The following COX7A2L variants were observed in gnomAD, a reference collection of about 807,000 sequenced individuals.
The protein encoded by COX7A2L is cytochrome c oxidase subunit 7A2 like.
A neutral mutation model predicts 14.2 loss-of-function variants in COX7A2L; 18 were observed. The ratio of observed to expected loss-of-function variants is 1.27; its 90% CI spans 0.88 to 1.88. COX7A2L has a LOEUF of 1.88. Among genes scored for constraint, COX7A2L ranks in the 40% most tolerant of loss-of-function variants. The probability of loss-of-function intolerance (pLI) is 0.00; values close to 1 mark genes in which losing one functional copy is unlikely to be tolerated. For synonymous variants in COX7A2L, 65 were observed against 57.4 expected (o/e 1.13, Z -0.60); for missense variants, 179 against 138.8 (o/e 1.29, Z -1.46).
upstream of COX7A2L, among the ~76,000 whole-genome samples, chr2:42,364,250 C>CAAAAAAAAAAAAAA (rs35151680): frequency 4.6e-4 from 39 of 85,404 alleles, no homozygotes; most frequent in African/African-American, 1.4e-3. Flanking sequence ...GACTCCGTCT[C>CAAAAAAAAAAAAAA]AAAAAAAAAA....
At chr2:42,355,339 G>C (rs1374741638) in intron 1 of COX7A2L, among the ~76,000 whole-genome samples, 2 of 152,184 alleles carry the variant, frequency 1.3e-5, no homozygotes, top group Non-Finnish European at 2.9e-5. Context: ...TCCTTGAAAT[G>C]CAAAAATTTC....
chr2:42,360,568 C>A (rs1353132950), intron 1 of COX7A2L, among the ~76,000 whole-genome samples: 3 of 152,212 alleles, frequency 2.0e-5, no homozygotes, highest in Non-Finnish European at 2.9e-5. Context: ...CAACTTCCCT[C>A]CCTGGACGTG....
downstream of COX7A2L, among the ~76,000 whole-genome samples, chr2:42,345,844 C>T (rs768482767): frequency 1.7e-4 from 26 of 152,236 alleles, no homozygotes; most frequent in Middle Eastern, 0.017. Context: ...AACTGCATGG[C>T]CTGGAGGAGG....
At chr2:42,343,538 C>T (rs1273351691) in intron 2 of COX7A2L, among the ~76,000 whole-genome samples, 1 of 152,212 alleles carries the variant, frequency 6.6e-6, no homozygotes, top group Non-Finnish European at 1.5e-5. Context: ...GGCCCCATTT[C>T]TCAGCCAACC....
chr2:42,351,224 T>C lies in COX7A2L; in HGVS notation c.340A>G (p.Lys114Glu), dbSNP rs192694677. The C allele has an allele frequency of 6.2e-7, 1 of 1,613,764 alleles. No homozygotes were observed. Among genetic ancestry groups the C allele is most frequent in the South Asian group, 1.1e-5 (1 of 90,998 alleles). The stretch of plus-strand genomic sequence containing the variant: ...CCAGTCCTCTGCAGCCTAACTCATT[T>C]GTTTTTGGGCTGCGAAGCCATGTAG... The part of the protein sequence containing the change: ...ALYMASQPKN[K>E] The change falls in exon 3 of 3, where the codon AAA (lysine) becomes GAA (glutamate). Residue 114 changes from lysine (K) to glutamate (E), a missense_variant. Physicochemically the swap from Lys to Glu is moderately conservative, Grantham distance 56 (BLOSUM62 1). Transcript: ENST00000234301.
At position 42,361,086 on chromosome 2, in the gene COX7A2L, G is replaced by C. The variant is rs768081401; in HGVS notation, c.72+4C>G. On this transcript the variant is annotated splice_donor_region_variant and intron_variant, in intron 1 of 2. Transcript: ENST00000234301. ...TGTCCGAGCTGGCCAGGCGCCACTC[G>C]TACCTGCGGGCTATAGGCCTCCGAA... The C allele has an allele frequency of 3.1e-6, 5 of 1,613,170 alleles. No individual in the cohort carries two copies. The East Asian group carries it at 1.1e-4, about 36-fold the overall frequency.
rs1670709652 is a variant in COX7A2L at position 42,353,344 on chromosome 2, C to T, written c.73-1G>A. ...CTGTGGAAACCACAGGCTTTAATCC[C>T]TGTAGAGAAAAAAAGGAAAATGGCA... On this transcript the variant is annotated splice_acceptor_variant, in intron 1 of 2. Coordinates refer to ENST00000234301, the MANE Select transcript of COX7A2L (RefSeq NM_004718.4). LOFTEE classifies it high-confidence loss of function. 6.2e-7 allele frequency: 1 copy of T among 1,611,778 alleles called. No individual in the cohort carries two copies. Among genetic ancestry groups the T allele is most frequent in the Non-Finnish European group, 8.5e-7 (1 of 1,179,442 alleles).
intron 2 of COX7A2L, among the ~76,000 whole-genome samples, chr2:42,341,140 G>C (rs952065121): frequency 6.6e-6 from 1 of 152,120 alleles, no homozygotes; most frequent in Non-Finnish European, 1.5e-5. Context: ...AGTCCCACAG[G>C]GGGACACAGT....
intron 2 of COX7A2L, among the ~76,000 whole-genome samples, chr2:42,344,024 A>G (rs767017852): frequency 6.6e-6 from 1 of 152,220 alleles, no homozygotes; most frequent in Non-Finnish European, 1.5e-5. Context: ...ATAAGTGGGC[A>G]CTGCTTTACA....
At chr2:42,359,184 G>A (rs549185793) in intron 1 of COX7A2L, 12 of 152,318 alleles carry the variant, frequency 7.9e-5, no homozygotes, top group African/African-American at 2.6e-4. Context: ...AAAGCAGGAC[G>A]ATTACTTGAG....
rs1670351142 is a variant in COX7A2L, at chr2:42,339,289, G to C, written c.193-5420C>G. Reference sequence around the variant, plus strand: ...CGTTGGCACCACCAGGAGCTGAGGGGTTTCTCGGGCACAGGATCCCCCCAG... The same window carrying C: ...CGTTGGCACCACCAGGAGCTGAGGGCTTTCTCGGGCACAGGATCCCCCCAG... On this transcript the variant is annotated intron_variant, in intron 2 of 2. Coordinates refer to the COX7A2L transcript ENST00000468711. This position sits in a 1 kb window ranked among gnomAD's most constrained non-coding sequence, Gnocchi z 5.4. Among the ~76,000 whole-genome samples, 1 of 152,208 alleles carries C rather than the reference G, an allele frequency of 6.6e-6. No homozygotes were observed. The highest frequency in any genetic ancestry group is 1.5e-5 in the Non-Finnish European group (1 of 68,038).
At chr2:42,354,671 T>G (rs1670762197) in intron 1 of COX7A2L, among the ~76,000 whole-genome samples, 1 of 152,212 alleles carries the variant, frequency 6.6e-6, no homozygotes, top group East Asian at 1.9e-4. Flanking sequence ...TAAAGTAAAC[T>G]TGGCTTCTAT....
chr2:42,353,910 G>C (rs1469819654), intron 1 of COX7A2L, among the ~76,000 whole-genome samples: 1 of 152,122 alleles, frequency 6.6e-6, no homozygotes, highest in Non-Finnish European at 1.5e-5. Context: ...TTTAAACAAG[G>C]TGAAGGGGAG....
chr2:42,337,025 C>A (rs1376841773), intron 2 of COX7A2L, among the ~76,000 whole-genome samples: 2 of 152,162 alleles, frequency 1.3e-5, no homozygotes, highest in Non-Finnish European at 2.9e-5. Context: ...TGGATTAGAG[C>A]AAAGTCAGGT....
downstream of COX7A2L, among the ~76,000 whole-genome samples, chr2:42,345,480 A>AAAAACTG (rs1380120596): frequency 1.1e-4 from 17 of 151,180 alleles, no homozygotes; most frequent in Admixed American, 9.2e-4. Context: ...TTGCAAAAAA[A>AAAAACTG]AAAACTGTCA....
At chr2:42,337,536 C>T (rs1475290796) in intron 2 of COX7A2L, among the ~76,000 whole-genome samples, 1 of 133,944 alleles carries the variant, frequency 7.5e-6, no homozygotes, top group Non-Finnish European at 1.7e-5. Flanking sequence ...ATGGCGGCCA[C>T]CATGAATCTA....
chr2:42,366,227 C>T (rs1344231914), intron 1 of COX7A2L, among the ~76,000 whole-genome samples: 8 of 152,072 alleles, frequency 5.3e-5, no homozygotes, highest in Non-Finnish European at 8.8e-5. Context: ...TCCAGCAGTA[C>T]GAGACCAGCC....
chr2:42,361,274 T>G (rs1671042905), upstream of COX7A2L: 3 of 961,240 alleles, frequency 3.1e-6, no homozygotes, highest in Non-Finnish European at 4.6e-6. Flanking sequence ...GTGCTGGGAC[T>G]AGGGCTGCCC....
upstream of COX7A2L, among the ~76,000 whole-genome samples, chr2:42,362,146 A>G (rs538262905): frequency 6.6e-6 from 1 of 152,252 alleles, no homozygotes; most frequent in Non-Finnish European, 1.5e-5. Flanking sequence ...ACACTTGTAA[A>G]ATCTGGACCT....
Sources: gnomAD v4.1 joint callset for allele counts (sites outside exome capture counted in the v4.1 genomes callset) on GRCh38, gnomAD v4.1.1 for gene constraint, Gnocchi (gnomAD v3.1) non-coding constraint, MANE v1.5 for transcripts, NCBI Gene and HGNC (gene_info 2026-07-23, HGNC 2026-07-21) for gene names.